Variants in CCDC102A observed in about 807,000 individuals in gnomAD.
The protein encoded by CCDC102A is coiled-coil domain-containing protein 102A.
Under a neutral mutation model 55.5 loss-of-function variants are expected in CCDC102A, and 40 were observed. The ratio of observed to expected loss-of-function variants is 0.72; its 90% CI spans 0.56 to 0.94. CCDC102A has a LOEUF of 0.94. Ranked by LOEUF, CCDC102A falls within the 40% of genes least tolerant of loss-of-function variation. CCDC102A has a pLI of 0.00. For missense variants in CCDC102A, 779 were observed against 768.6 expected (o/e 1.01, Z -0.16); for synonymous variants, 323 against 339.0 (o/e 0.95, Z 0.52).
In CCDC102A at chr16:57,528,943, C is replaced by T. The variant is rs764450282; in HGVS notation, c.235G>A (p.Glu79Lys). 8.6e-6 allele frequency: 12 copies of T among 1,388,864 alleles called. No homozygotes were observed. The South Asian group carries it at 1.5e-4, about 18-fold the overall frequency. The allele number at this position is 1,388,864 out of a possible 1,614,324, so 86.0% of individuals were successfully genotyped here. A position where few individuals can be genotyped will look rare whatever the true frequency, so the allele number is the denominator to read the frequency against. ...WESREELRLR[E>K]LEEARARAAQ... ...GCCCGCGCCCGCGCCTCCTCCAGCTCCCGCAGCCGCAGCTCCTCGCGGCTC... is the reference window on the plus strand; with the variant it reads ...GCCCGCGCCCGCGCCTCCTCCAGCTTCCGCAGCCGCAGCTCCTCGCGGCTC... Residue 79 changes from glutamate (E) to lysine (K), a missense_variant, in exon 2 of 9, where the codon GAG becomes AAG. Physicochemically the swap from Glu to Lys is moderately conservative, Grantham distance 56. Transcript: ENST00000258214.
At chr16:57,514,817 T>C (rs1186544441) in intron 8 of CCDC102A, among the ~76,000 whole-genome samples, 3 of 152,176 alleles carry the variant, frequency 2.0e-5, no homozygotes, top group African/African-American at 7.2e-5. Context: ...ACTGAAGTTT[T>C]CTGATATCGC....
Position 57,516,533 on chromosome 16 carries a change from TC to T in CCDC102A, c.1249-71del. Reference sequence around the variant, plus strand: ...TCAGCTTGGGCGCCATGCCAGGGAGTCCCACGAGGTCAGGCAGTTCTAGGGA... The same window carrying T: ...TCAGCTTGGGCGCCATGCCAGGGAGTCCACGAGGTCAGGCAGTTCTAGGGA... On this transcript the variant is annotated intron_variant, in intron 6 of 8. Coordinates refer to ENST00000258214, the MANE Select transcript of CCDC102A (RefSeq NM_033212.4). This position sits in a 1 kb window ranked among gnomAD's most constrained non-coding sequence, Gnocchi z 4.4. 1 of 1,344,136 alleles carries T rather than the reference TC, an allele frequency of 7.4e-7. No homozygotes were observed. Among genetic ancestry groups the T allele is most frequent in the Non-Finnish European group, 1.0e-6 (1 of 960,054 alleles). 83.3% of individuals were successfully genotyped at this position (1,344,136 alleles called of 1,614,324 possible). A position where few individuals can be genotyped will look rare whatever the true frequency, so the allele number is the denominator to read the frequency against.
rs1555518801 is a variant in CCDC102A at position 57,512,517 on chromosome 16, C to CGT, written c.*223_*224insAC. ...GGGTCCAAAGACTTCTGGGTGTGCG[C>CGT]GCGCGCGCGCGCGTGTGTGTATATA... On this transcript the variant is annotated 3_prime_UTR_variant, in exon 9 of 9. Coordinates refer to ENST00000258214, the MANE Select transcript of CCDC102A (RefSeq NM_033212.4). The CGT allele has an allele frequency of 1.1e-4, 49 of 450,332 alleles. No homozygotes were observed. The highest frequency in any genetic ancestry group is 1.6e-4 in the Non-Finnish European group (42 of 263,116). 27.9% of individuals were successfully genotyped at this position (450,332 alleles called of 1,614,324 possible). A position where few individuals can be genotyped will look rare whatever the true frequency, so the allele number is the denominator to read the frequency against.
intron 4 of CCDC102A, 82 bp downstream of exon 4, chr16:57,520,986 T>A: frequency 1.2e-6 from 1 of 851,254 alleles, no homozygotes; most frequent in South Asian, 1.4e-5. Context: ...AATGAATGAA[T>A]TCTCTCTTCC....
In CCDC102A at chr16:57,518,425, T is replaced by C. The variant is rs537549813; in HGVS notation, c.1039-148A>G. 6.8e-5 allele frequency: 58 copies of C among 851,888 alleles called. No homozygotes were observed. The African/African-American group carries it at 9.9e-4, about 15-fold the overall frequency. The allele number at this position is 851,888 out of a possible 1,614,324, so 52.8% of individuals were successfully genotyped here. On this transcript the variant is annotated intron_variant, in intron 5 of 8. Transcript: ENST00000258214. ...CTGTAATTAAGCTGGGCTCATTTCA[T>C]GGTGTACAGGATGTGAGGGCGCTTC...
intron 8 of CCDC102A, among the ~76,000 whole-genome samples, chr16:57,514,763 C>T (rs1005818592): frequency 6.6e-6 from 1 of 152,108 alleles, no homozygotes; most frequent in African/African-American, 2.4e-5. Flanking sequence ...GCTGTGGCTC[C>T]GATGCTCCTT....
At chr16:57,535,316 C>T (rs1396787221) in intron 1 of CCDC102A, among the ~76,000 whole-genome samples, 2 of 152,132 alleles carry the variant, frequency 1.3e-5, no homozygotes, top group Non-Finnish European at 1.5e-5. Flanking sequence ...GCACCCCTGG[C>T]CTATTCCCAG....
rs1266852935 is a variant in CCDC102A at position 57,528,639 on chromosome 16, CGCTCCGCTTCCGGCTCGG to C, written c.521_538del (p.Pro174_Glu179del). ...GGACCCGACGTCACGCACTGGCTCGCGCTCCGCTTCCGGCTCGGGGCCGTCGCGCGTCTGGTCGGCGAC... is the reference window on the plus strand; with the variant it reads ...GGACCCGACGTCACGCACTGGCTCGCGGCCGTCGCGCGTCTGGTCGGCGAC... On this transcript the variant is annotated inframe_deletion, in exon 2 of 9. Coordinates refer to ENST00000258214, the MANE Select transcript of CCDC102A (RefSeq NM_033212.4). 1 of 1,219,148 alleles carries C rather than the reference CGCTCCGCTTCCGGCTCGG, an allele frequency of 8.2e-7. No homozygotes were observed. The highest frequency in any genetic ancestry group is 1.0e-6 in the Non-Finnish European group (1 of 972,250). The allele number at this position is 1,219,148 out of a possible 1,614,324, so 75.5% of individuals were successfully genotyped here. A position where few individuals can be genotyped will look rare whatever the true frequency, so the allele number is the denominator to read the frequency against.
At chr16:57,520,588 TAACATAAATAAAATAAAATAAATAAAATA>T (rs1283648506) in intron 4 of CCDC102A, among the ~76,000 whole-genome samples, 60 of 125,502 alleles carry the variant, frequency 4.8e-4, no homozygotes, top group African/African-American at 2.1e-3. Context: ...TAACATAACA[TAACATAAATAAAATAAAATAAATAAAATA>T]AAATAAAATA....
Position 57,516,409 on chromosome 16 carries a change from TCTC to T in CCDC102A, c.1300_1302del (p.Glu434del). The stretch of plus-strand genomic sequence containing the variant: ...TTGGCATGTGCCAGCTCTGCCACCT[TCTC>T]CTGGAACTGCTTCTTCAGCTTGCCA... On this transcript the variant is annotated inframe_deletion, in exon 7 of 9. Transcript: ENST00000258214. The surrounding 1 kb of genome is among the most constrained non-coding windows in gnomAD (Gnocchi z 4.4). The T allele has an allele frequency of 6.2e-7, 1 of 1,609,802 alleles. No homozygotes were observed. The highest frequency in any genetic ancestry group is 8.5e-7 in the Non-Finnish European group (1 of 1,180,016).
At chr16:57,520,601 A>G (rs144057029) in intron 4 of CCDC102A, among the ~76,000 whole-genome samples, 1 of 118,674 alleles carries the variant, frequency 8.4e-6, no homozygotes, top group Non-Finnish European at 1.8e-5. Flanking sequence ...CATAAATAAA[A>G]TAAAATAAAT....
In CCDC102A at chr16:57,529,521, A is replaced by G. The variant is rs185160779; in HGVS notation, c.-147-197T>C. ...TCAGTGGCCTCGACTCCCTGCTCCA[A>G]TCCCTTCACCCAGCGGCGCTAATCT... On this transcript the variant is annotated intron_variant, in intron 1 of 8. Coordinates refer to ENST00000258214, the MANE Select transcript of CCDC102A (RefSeq NM_033212.4). This position sits in a 1 kb window ranked among gnomAD's most constrained non-coding sequence, Gnocchi z 4.1. Among the ~76,000 whole-genome samples, 9 of 152,258 alleles carry G rather than the reference A, an allele frequency of 5.9e-5. No individual in the cohort carries two copies. In the East Asian group the frequency reaches 9.6e-4, roughly 16 times the overall value.
In CCDC102A at chr16:57,516,519, G is replaced by T; in HGVS notation, c.1249-56C>A. On this transcript the variant is annotated intron_variant, in intron 6 of 8. Transcript: ENST00000258214. This position sits in a 1 kb window ranked among gnomAD's most constrained non-coding sequence, Gnocchi z 4.4. ...GGAGGGAATCAGTATCAGCTTGGGC[G>T]CCATGCCAGGGAGTCCCACGAGGTC... The T allele has an allele frequency of 6.6e-7, 1 of 1,509,898 alleles. No individual in the cohort carries two copies. The highest frequency in any genetic ancestry group is 9.1e-7 in the Non-Finnish European group (1 of 1,103,720). 93.5% of individuals were successfully genotyped at this position (1,509,898 alleles called of 1,614,324 possible). A position where few individuals can be genotyped will look rare whatever the true frequency, so the allele number is the denominator to read the frequency against.
chr16:57,532,879 T>A (rs906911466), intron 1 of CCDC102A, among the ~76,000 whole-genome samples: 2 of 152,054 alleles, frequency 1.3e-5, no homozygotes, highest in Non-Finnish European at 2.9e-5. Flanking sequence ...GCAGCTGTGC[T>A]GGGTATGGGG....
rs370434202 is a variant in CCDC102A at position 57,515,370 on chromosome 16, C to A, written c.1494G>T (p.Leu498=). 1 of 1,607,352 alleles carries A rather than the reference C, an allele frequency of 6.2e-7. No homozygotes were observed. Among genetic ancestry groups the A allele is most frequent in the East Asian group, 2.2e-5 (1 of 44,762 alleles). The change falls in exon 8 of 9, where the codon CTG becomes CTT. Residue 498 remains leucine, a synonymous_variant. Transcript: ENST00000258214. The part of the protein sequence containing the change: ...LDEQTEQSEN[L]QVQLEHLQSR... ...ACTGCAGGTGCTCCAGTTGCACTTG[C>A]AGGTTCTCGCTCTGCTCCGTCTGCT... is the stretch of plus-strand genomic sequence containing the variant.
chr16:57,526,704 A>G (rs1225311726), intron 2 of CCDC102A, among the ~76,000 whole-genome samples: 5 of 152,140 alleles, frequency 3.3e-5, no homozygotes, highest in Non-Finnish European at 7.4e-5. Flanking sequence ...CAAACCCACA[A>G]GGACCACAGC....
Position 57,528,895 on chromosome 16 carries a change from G to A in CCDC102A, c.283C>T (p.Arg95Cys), listed in dbSNP as rs747816345. ...ARAAQMEKTMRRWSDCTANWR... is the reference protein window; with the variant it reads ...ARAAQMEKTMCRWSDCTANWR... Reference sequence around the variant, plus strand: ...TTGGCAGTGCAGTCCGACCACCGGCGCATGGTCTTCTCCATCTGCGCCGCC... The same window carrying A: ...TTGGCAGTGCAGTCCGACCACCGGCACATGGTCTTCTCCATCTGCGCCGCC... Residue 95 changes from arginine (R) to cysteine (C), a missense_variant, in exon 2 of 9, where the codon CGC becomes TGC. Transcript: ENST00000258214. 1.4e-6 allele frequency: 2 copies of A among 1,400,656 alleles called. No homozygotes were observed. The highest frequency in any genetic ancestry group is 1.3e-5 in the South Asian group (1 of 77,760). 86.8% of individuals were successfully genotyped at this position (1,400,656 alleles called of 1,614,324 possible).
intron 7 of CCDC102A, 37 bp from the exon 8 acceptor site, chr16:57,515,481 C>T: frequency 6.9e-7 from 1 of 1,444,704 alleles, no homozygotes; most frequent in Non-Finnish European, 9.5e-7. Flanking sequence ...ACGAGGGTCA[C>T]CCAGGGCTGG....
Position 57,518,282 on chromosome 16 carries a change from A to AGCAGG in CCDC102A, c.1039-10_1039-6dup, listed in dbSNP as rs1320729496. On this transcript the variant is annotated splice_polypyrimidine_tract_variant and splice_region_variant and intron_variant, in intron 5 of 8. Coordinates refer to ENST00000258214, the MANE Select transcript of CCDC102A (RefSeq NM_033212.4). ...TTCGGCCTGCAGCCGCTCCATCTGC[A>AGCAGG]GCAGGGCAGGGCAGAGTGAGGACTC... is the stretch of plus-strand genomic sequence containing the variant. 3.1e-6 allele frequency: 5 copies of AGCAGG among 1,607,116 alleles called. No homozygotes were observed. Among genetic ancestry groups the AGCAGG allele is most frequent in the Admixed American group, 3.3e-5 (2 of 60,016 alleles).
Sources: gnomAD v4.1 joint callset for allele counts (sites outside exome capture counted in the v4.1 genomes callset) on GRCh38, gnomAD v4.1.1 for gene constraint, Gnocchi (gnomAD v3.1) non-coding constraint, MANE v1.5 for transcripts, NCBI Gene and HGNC (gene_info 2026-07-23, HGNC 2026-07-21) for gene names.